DLGAP2: variants seen among roughly 807,000 people sequenced by gnomAD.
DLGAP2 encodes disks large-associated protein 2.
Under a neutral mutation model 100.3 loss-of-function variants are expected in DLGAP2, and 26 were observed. The observed-to-expected ratio is 0.26, with a 90% CI of 0.19 to 0.36. DLGAP2 has a LOEUF of 0.36. DLGAP2 is among the 10% of genes least tolerant of loss of function. The probability of loss-of-function intolerance (pLI) is 1.00; values close to 1 mark genes in which losing one functional copy is unlikely to be tolerated. For missense variants in DLGAP2, 1,858 were observed against 1,453.2 expected (o/e 1.28, Z -4.53); for synonymous variants, 886 against 630.1 (o/e 1.41, Z -6.08).
At chr8:1,357,788 G>A (rs1286679307) in intron 3 of DLGAP2, among the ~76,000 whole-genome samples, 3 of 152,218 alleles carry the variant, frequency 2.0e-5, no homozygotes, top group African/African-American at 7.2e-5. Flanking sequence ...GTAGTGCCAT[G>A]CAGTGCTCTT....
chr8:1,463,722 T>A (rs1356465983), intron 3 of DLGAP2, among the ~76,000 whole-genome samples: 1 of 152,232 alleles, frequency 6.6e-6, no homozygotes, highest in Non-Finnish European at 1.5e-5. Context: ...ACTGGCCACG[T>A]TGAACATGGT....
chr8:1,450,524 G>A (rs968010971), intron 3 of DLGAP2, among the ~76,000 whole-genome samples: 1 of 151,808 alleles, frequency 6.6e-6, no homozygotes, highest in Non-Finnish European at 1.5e-5. Flanking sequence ...GGAGCTGTGA[G>A]GACACATCCA....
At chr8:983,922 G>T (rs889108671) in intron 2 of DLGAP2, among the ~76,000 whole-genome samples, 1 of 152,158 alleles carries the variant, frequency 6.6e-6, no homozygotes, top group African/African-American at 2.4e-5. Context: ...GTGCAGATGT[G>T]AGCCACTGTG....
intron 1 of DLGAP2, among the ~76,000 whole-genome samples, chr8:752,134 C>T (rs1415211855): frequency 1.3e-5 from 2 of 152,202 alleles, no homozygotes; most frequent in African/African-American, 4.8e-5. Context: ...TGCTGGGTTG[C>T]CTGCACCCCC....
intron 4 of DLGAP2, among the ~76,000 whole-genome samples, chr8:1,519,781 C>A (rs907430978): frequency 3.3e-5 from 5 of 152,278 alleles, no homozygotes; most frequent in African/African-American, 1.2e-4. Context: ...GGGGACCTGG[C>A]CCTGTGCTGC....
intron 2 of DLGAP2, among the ~76,000 whole-genome samples, chr8:1,253,716 T>G (rs1426506682): frequency 1.3e-5 from 2 of 152,154 alleles, no homozygotes; most frequent in African/African-American, 4.8e-5. Flanking sequence ...CTGTGTCAAT[T>G]AGCACAGATC....
At chr8:898,287 G>C (rs1049643414) in intron 1 of DLGAP2, among the ~76,000 whole-genome samples, 1 of 152,070 alleles carries the variant, frequency 6.6e-6, no homozygotes, top group African/African-American at 2.4e-5. Context: ...GCTTGGGTGA[G>C]GTCTGGCGAC....
intron 4 of DLGAP2, among the ~76,000 whole-genome samples, chr8:1,503,881 C>T (rs934304153): frequency 2.6e-5 from 4 of 152,018 alleles, no homozygotes; most frequent in Non-Finnish European, 5.9e-5. Flanking sequence ...TGGGGTGGTA[C>T]GTGGGTGGAG....
chr8:1,053,877 G>A (rs1053739553), intron 2 of DLGAP2, among the ~76,000 whole-genome samples: 1 of 152,128 alleles, frequency 6.6e-6, no homozygotes, highest in Non-Finnish European at 1.5e-5. Context: ...AACCTTTTCT[G>A]CAGTGCTTTT....
chr8:1,005,760 A>G (rs1316427162), intron 2 of DLGAP2, among the ~76,000 whole-genome samples: 2 of 152,054 alleles, frequency 1.3e-5, no homozygotes, highest in East Asian at 3.9e-4. Context: ...TGCCCTGGGA[A>G]CTGCAGACAC....
chr8:1,324,339 C>T (rs1407905992), intron 3 of DLGAP2, among the ~76,000 whole-genome samples: 1 of 152,222 alleles, frequency 6.6e-6, no homozygotes, highest in African/African-American at 2.4e-5. Flanking sequence ...CTCTTCTGTA[C>T]TGACTCAACT....
intron 4 of DLGAP2, among the ~76,000 whole-genome samples, chr8:1,515,821 C>G (rs1428574498): frequency 2.0e-5 from 3 of 152,254 alleles, no homozygotes; most frequent in Non-Finnish European, 4.4e-5. Flanking sequence ...TTCCCTGCTC[C>G]CATTCCCTCT....
At chr8:910,557 A>T (rs528493291) in intron 2 of DLGAP2, 4 of 152,188 alleles carry the variant, frequency 2.6e-5, no homozygotes, top group Non-Finnish European at 2.9e-5. Flanking sequence ...TAAGCCTTTA[A>T]ATAAAAACCC....
intron 2 of DLGAP2, among the ~76,000 whole-genome samples, chr8:1,203,687 T>C (rs566518735): frequency 4.9e-4 from 74 of 152,280 alleles, no homozygotes; most frequent in African/African-American, 1.8e-3. Context: ...TTTATAGAAA[T>C]CCCCTTATTC....
At chr8:1,583,355 C>T (rs1431533498) in intron 6 of DLGAP2, among the ~76,000 whole-genome samples, 1 of 152,130 alleles carries the variant, frequency 6.6e-6, no homozygotes, top group Non-Finnish European at 1.5e-5. Context: ...TCCTCTGGCC[C>T]ATGAGCCTGC....
At chr8:1,470,716 A>G (rs1467641293) in intron 3 of DLGAP2, among the ~76,000 whole-genome samples, 7 of 146,434 alleles carry the variant, frequency 4.8e-5, no homozygotes, top group African/African-American at 2.6e-5. Context: ...TGATGAAGGC[A>G]TCACCGACCA....
chr8:1,257,523 G>T (rs55973720), intron 2 of DLGAP2, among the ~76,000 whole-genome samples: 1 of 58,070 alleles, frequency 1.7e-5, no homozygotes, highest in Non-Finnish European at 5.2e-5. Context: ...GTCTGTGCTC[G>T]CTCCCCAGAT....
At chr8:1,555,579 G>A (rs146184174) in intron 5 of DLGAP2, among the ~76,000 whole-genome samples, 1 of 152,182 alleles carries the variant, frequency 6.6e-6, no homozygotes, top group East Asian at 1.9e-4. Context: ...GTGTAATCAG[G>A]GACCGTCTGC....
At chr8:1,230,942 C>A (rs973776196) in intron 2 of DLGAP2, among the ~76,000 whole-genome samples, 3 of 152,126 alleles carry the variant, frequency 2.0e-5, no homozygotes, top group African/African-American at 7.2e-5. Context: ...TGGACATCAG[C>A]CTTGGGAAAG....
Sources: gnomAD v4.1 joint callset for allele counts (sites outside exome capture counted in the v4.1 genomes callset) on GRCh38, gnomAD v4.1.1 for gene constraint, MANE v1.5 for transcripts, NCBI Gene and HGNC (gene_info 2026-07-23, HGNC 2026-07-21) for gene names.